The following STAB1 variants were observed in gnomAD, a reference collection of about 807,000 sequenced individuals.
STAB1 encodes the protein stabilin-1.
Under a neutral mutation model 332.4 loss-of-function variants are expected in STAB1, and 250 were observed. The observed-to-expected ratio is 0.75, with a 90% confidence interval of 0.68 to 0.84. The LOEUF is 0.84. Among genes scored for constraint, STAB1 ranks in the 40% least tolerant of loss-of-function variants. The pLI, the probability that STAB1 is intolerant of heterozygous loss-of-function variation, is 0.00. For synonymous variants in STAB1, 1,475 were observed against 1,390.4 expected (o/e 1.06, Z -1.35); for missense variants, 3,249 against 3,489.7 (o/e 0.93, Z 1.74).
In STAB1 at chr3:52,502,014, G is replaced by A. The variant is rs1234235491; in HGVS notation, c.340G>A (p.Gly114Arg). The change falls in exon 4 of 69, where the codon GGG becomes AGG. Residue 114 changes from glycine (G) to arginine (R), a missense_variant. Transcript: ENST00000321725. ...YWGSRCHECP[G>R]GAETPCNGHG... ...ACTGTGGGGGTCCACAGAATGCCCT[G>A]GGGGCGCTGAGACCCCATGCAATGG... 20 of 1,612,526 alleles carry A rather than the reference G, an allele frequency of 1.2e-5. No homozygotes were observed. The highest frequency in any genetic ancestry group is 1.6e-5 in the Non-Finnish European group (19 of 1,179,990).
rs149989113 is a variant in STAB1 at position 52,503,778 on chromosome 3, T to C, written c.898T>C (p.Cys300Arg). Residue 300 changes from cysteine (C) to arginine (R), a missense_variant, in exon 9 of 69, where the codon TGC becomes CGC. Cys to Arg is a radical substitution (Grantham distance 180, BLOSUM62 -3). Transcript: ENST00000321725. ...CTGCCCTGTCGGGGGCCAGGCCTTC[T>C]GCACCTGCCGGCCAGGCCTGGTCAG... ...CVYQKPGQAFCTCRPGLVSIN... is the reference protein window; with the variant it reads ...CVYQKPGQAFRTCRPGLVSIN... 6.2e-7 allele frequency: 1 copy of C among 1,613,024 alleles called. No homozygotes were observed. Among genetic ancestry groups the C allele is most frequent in the Non-Finnish European group, 8.5e-7 (1 of 1,180,024 alleles).
intron 52 of STAB1, 26 bp from the exon 53 acceptor site, chr3:52,520,374 G>A (rs760941576): frequency 8.1e-6 from 13 of 1,612,620 alleles, no homozygotes; most frequent in Non-Finnish European, 1.1e-5. Flanking sequence ...TGCGACCCTT[G>A]CATACCTCAT....
intron 35 of STAB1, 75 bp from the exon 36 acceptor site, chr3:52,514,914 A>G (rs2078806766): frequency 4.3e-6 from 7 of 1,612,170 alleles, no homozygotes; most frequent in Non-Finnish European, 5.1e-6. Context: ...GGAGGGGCGC[A>G]TGGTCAGTCT....
chr3:52,506,573 C>T (rs1708885000), intron 17 of STAB1, 119 bp from the exon 18 acceptor site: 1 of 1,180,586 alleles, frequency 8.5e-7, no homozygotes, highest in Non-Finnish European at 1.2e-6. Flanking sequence ...CCAGCGGGGC[C>T]TTCAGCAGCT....
At position 52,513,728 on chromosome 3, in the gene STAB1, G is replaced by A. The variant is rs1490137879; in HGVS notation, c.3282G>A (p.Val1094=). ...CTGCTGCCTTCCAGAGGGTCTGGGT[G>A]CAGAATGCCAGCGTGGATGTGGCTG... is the stretch of plus-strand genomic sequence containing the variant. ...EIRNISGRVW[V]QNASVDVADL... is the part of the protein sequence containing the mutation. The change falls in exon 31 of 69, where the codon GTG becomes GTA. Residue 1094 remains valine (V), a synonymous_variant. Coordinates refer to ENST00000321725, the MANE Select transcript of STAB1 (RefSeq NM_015136.3). 6.2e-7 allele frequency: 1 copy of A among 1,613,252 alleles called. No individual in the cohort carries two copies. Among genetic ancestry groups the A allele is most frequent in the Non-Finnish European group, 8.5e-7 (1 of 1,179,950 alleles).
At chr3:52,498,886 C>G (rs1708235699) in intron 1 of STAB1, among the ~76,000 whole-genome samples, 1 of 152,250 alleles carries the variant, frequency 6.6e-6, no homozygotes, top group Non-Finnish European at 1.5e-5. Flanking sequence ...CACAACATCC[C>G]AGCTCCGCCG....
In STAB1 at chr3:52,522,810, C is replaced by T. The variant is rs2079120040; in HGVS notation, c.6780C>T (p.Ala2260=). 2.5e-6 allele frequency: 4 copies of T among 1,613,180 alleles called. No individual in the cohort carries two copies. Among genetic ancestry groups the T allele is most frequent in the Non-Finnish European group, 3.4e-6 (4 of 1,180,014 alleles). ...GFHLCLMGWL[A]NGSTAHPVVF... The stretch of plus-strand genomic sequence containing the variant: ...ACCTGTGCCTCATGGGCTGGCTGGC[C>T]AATGGCTCCACTGCCCACCCTGTGG... The change falls in exon 62 of 69, where the codon GCC becomes GCT. Residue 2260 remains alanine (A), a synonymous_variant. Coordinates refer to ENST00000321725, the MANE Select transcript of STAB1 (RefSeq NM_015136.3).
At chr3:52,495,618 T>TG in intron 1 of STAB1, 127 bp downstream of exon 1, 1 of 861,960 alleles carries the variant, frequency 1.2e-6, no homozygotes. Context: ...CTGTCTGGCC[T>TG]CTTAGCAGGC....
Position 52,518,329 on chromosome 3 carries a change from G to C in STAB1, c.4779G>C (p.Lys1593Asn). The C allele has an allele frequency of 6.2e-7, 1 of 1,612,858 alleles. No homozygotes were observed. The highest frequency in any genetic ancestry group is 1.3e-5 in the African/African-American group (1 of 75,054). The change falls in exon 46 of 69, where the codon AAG (lysine) becomes AAC (asparagine). Residue 1593 changes from lysine (K) to asparagine (N), a missense_variant. Physicochemically the swap from Lys to Asn is moderately conservative, Grantham distance 94 (BLOSUM62 0). Coordinates refer to ENST00000321725, the MANE Select transcript of STAB1 (RefSeq NM_015136.3). ...ARVGLELLRD[K>N]HASFFSLRLL... ...CCCCCCAGGAGCTCCTGAGGGATAA[G>C]CATGCCTCATTCTTCAGCCTCCGCC...
rs749438955 is a variant in STAB1, at chr3:52,517,129, C to T, written c.4489+20C>T. The T allele has an allele frequency of 1.3e-6, 2 of 1,524,760 alleles. No homozygotes were observed. The highest frequency in any genetic ancestry group is 1.4e-5 in the African/African-American group (1 of 72,046). The allele number at this position is 1,524,760 out of a possible 1,614,324, so 94.5% of individuals were successfully genotyped here. A position where few individuals can be genotyped will look rare whatever the true frequency, so the allele number is the denominator to read the frequency against. ...GCCAGGGTGAGACTAGGCCCCTAACCTGGGTTTATGTTGGGCTAGGGGTCT... is the reference window on the plus strand; with the variant it reads ...GCCAGGGTGAGACTAGGCCCCTAACTTGGGTTTATGTTGGGCTAGGGGTCT... On this transcript the variant is annotated intron_variant, in intron 42 of 68. Transcript: ENST00000321725.
intron 39 of STAB1, 45 bp from the exon 40 acceptor site, chr3:52,516,497 C>T (rs373429055): frequency 2.5e-5 from 41 of 1,613,328 alleles, no homozygotes; most frequent in Non-Finnish European, 3.2e-5. Flanking sequence ...ACTGAGGAGG[C>T]TGTTCCTGGG....
Position 52,520,966 on chromosome 3 carries a change from C to A in STAB1, c.5869C>A (p.Pro1957Thr), listed in dbSNP as rs760491559. Residue 1957 changes from proline to threonine, a missense_variant, in exon 55 of 69, where the codon CCC becomes ACC. Transcript: ENST00000321725. ...CAATTGTGTCACCACCACCTGGAAGCCCAGCTGCTGCCCTGGTCACTATGG... is the reference window on the plus strand; with the variant it reads ...CAATTGTGTCACCACCACCTGGAAGACCAGCTGCTGCCCTGGTCACTATGG... Reference protein sequence around the residue: ...HRNCVTTTWKPSCCPGHYGSE... With the variant: ...HRNCVTTTWKTSCCPGHYGSE... 3.2e-6 allele frequency: 5 copies of A among 1,574,890 alleles called. No individual in the cohort carries two copies. In the South Asian group the frequency reaches 3.6e-5, roughly 11 times the overall value.
intron 27 of STAB1, 56 bp from the exon 28 acceptor site, chr3:52,512,540 G>C: frequency 6.2e-7 from 1 of 1,612,642 alleles, no homozygotes; most frequent in Non-Finnish European, 8.5e-7. Context: ...CCATGGTGGG[G>C]AAGGGGCTTG....
intron 48 of STAB1, 54 bp downstream of exon 48, chr3:52,518,923 G>GCCCCGCCC: frequency 2.6e-6 from 1 of 390,518 alleles, no homozygotes; most frequent in Non-Finnish European, 3.6e-6. Flanking sequence ...CCGCCCCTGC[G>GCCCCGCCC]CGCCATTGCC....
intron 21 of STAB1, 124 bp downstream of exon 21, chr3:52,508,483 T>C (rs1424398748): frequency 2.3e-6 from 2 of 875,822 alleles, no homozygotes; most frequent in East Asian, 2.6e-5. Flanking sequence ...CTCATATCTA[T>C]GCAGTGGAAA....
Position 52,524,131 on chromosome 3 carries a change from C to T in STAB1, c.7574C>T (p.Pro2525Leu), listed in dbSNP as rs548176594. The change falls in exon 68 of 69, where the codon CCG (proline) becomes CTG (leucine). Residue 2525 changes from proline to leucine, a missense_variant. Coordinates refer to ENST00000321725, the MANE Select transcript of STAB1 (RefSeq NM_015136.3). ...GATGATGCTGATGACGACTTCTCAC[C>T]GTGGCAAGAAGGGACCAACCCCACC... ...AEDDADDDFS[P>L]WQEGTNPTLV... The T allele has an allele frequency of 1.5e-5, 25 of 1,613,870 alleles. No individual in the cohort carries two copies. Among genetic ancestry groups the T allele is most frequent in the South Asian group, 5.5e-5 (5 of 91,088 alleles).
intron 45 of STAB1, 140 bp from the exon 46 acceptor site, chr3:52,518,172 A>G (rs965775311): frequency 2.0e-6 from 3 of 1,497,930 alleles, no homozygotes; most frequent in Admixed American, 4.0e-5. Context: ...CCATGAAACT[A>G]GCCCTGACCC....
Position 52,511,730 on chromosome 3 carries a change from C to A in STAB1, c.2868C>A (p.Gly956=). 6.3e-7 allele frequency: 1 copy of A among 1,592,900 alleles called. No individual in the cohort carries two copies. Among genetic ancestry groups the A allele is most frequent in the Non-Finnish European group, 8.6e-7 (1 of 1,168,070 alleles). ...TCGACCCCTGCCGGGCAGGCAATGG[C>A]GGCTGCCACGGCCTGGTAAGGGGGT... ...SPIDPCRAGN[G]GCHGLATCRA... is the part of the protein sequence containing the mutation. The change falls in exon 26 of 69, where the codon GGC becomes GGA. Residue 956 remains glycine, a synonymous_variant. Coordinates refer to ENST00000321725, the MANE Select transcript of STAB1 (RefSeq NM_015136.3).
chr3:52,522,968 C>A (rs2079127004), intron 62 of STAB1, 28 bp downstream of exon 62: 3 of 1,606,080 alleles, frequency 1.9e-6, no homozygotes, highest in African/African-American at 1.3e-5. Flanking sequence ...AACCCTACTT[C>A]CCCTGCTCTG....
Sources: gnomAD v4.1 joint callset for allele counts (sites outside exome capture counted in the v4.1 genomes callset) on GRCh38, gnomAD v4.1.1 for gene constraint, MANE v1.5 for transcripts, NCBI Gene and HGNC (gene_info 2026-07-23, HGNC 2026-07-21) for gene names.